ANKRD24: variants seen among roughly 807,000 people sequenced by gnomAD.
ANKRD24 encodes ankyrin repeat domain 24, also known as ankyrin repeat domain-containing protein 24.
Under a neutral mutation model 127.8 loss-of-function variants are expected in ANKRD24, and 109 were observed. The observed-to-expected ratio is 0.85, with a 90% CI of 0.73 to 1.00. ANKRD24 has a LOEUF of 1.00. Ranked by LOEUF, ANKRD24 falls within the 50% of genes least tolerant of loss-of-function variation. ANKRD24 has a pLI of 0.00. For synonymous variants in ANKRD24, 743 were observed against 671.1 expected (o/e 1.11, Z -1.66); for missense variants, 1,648 against 1,570.2 (o/e 1.05, Z -0.84).
chr19:4,206,441 C>T (rs1439009338), intron 7 of ANKRD24, among the ~76,000 whole-genome samples: 2 of 151,390 alleles, frequency 1.3e-5, no homozygotes, highest in Non-Finnish European at 2.9e-5. Flanking sequence ...CGTAGCAAGA[C>T]CCTGTCTCTA....
At position 4,216,897 on chromosome 19, in the gene ANKRD24, T is replaced by TGAGGCCACGGGAGCC. The variant is rs770796458; in HGVS notation, c.1752_1766dup (p.Glu590_Ala594dup). 38 of 1,610,758 alleles carry TGAGGCCACGGGAGCC rather than the reference T, an allele frequency of 2.4e-5. No individual in the cohort carries two copies. Among genetic ancestry groups the TGAGGCCACGGGAGCC allele is most frequent in the Non-Finnish European group, 2.8e-5 (33 of 1,178,688 alleles). ...CCATGGAAGCCAGGACTATGGAAGC[T>TGAGGCCACGGGAGCC]GAGGCCACGGGAGCCGAGGCCACGG... On this transcript the variant is annotated inframe_insertion, in exon 18 of 22. Coordinates refer to ENST00000318934, the MANE Select transcript of ANKRD24 (RefSeq NM_001393985.1).
In ANKRD24 at chr19:4,198,541, CG is replaced by C; in HGVS notation, c.37-1138del. 10 of 570,252 alleles carry C rather than the reference CG, an allele frequency of 1.8e-5. No homozygotes were observed. Among genetic ancestry groups the C allele is most frequent in the South Asian group, 4.0e-5 (2 of 50,556 alleles). 35.3% of individuals were successfully genotyped at this position (570,252 alleles called of 1,614,324 possible). ...CAGCCGCCTCCTTCGCGGTAGGGCCCGGGGAGGGGGCGCAGGAGCGGGCGGG... is the reference window on the plus strand; with the variant it reads ...CAGCCGCCTCCTTCGCGGTAGGGCCCGGGAGGGGGCGCAGGAGCGGGCGGG... On this transcript the variant is annotated intron_variant, in intron 2 of 21. Transcript: ENST00000318934. This position sits in a 1 kb window ranked among gnomAD's most constrained non-coding sequence, Gnocchi z 6.1.
chr19:4,197,286 G>A lies in ANKRD24; in HGVS notation c.37-2397G>A, dbSNP rs79760247. ...TGAATGAATGAATGAACGAATGACT[G>A]ATTGAATGAATGAATGGATGAGGCA... is the stretch of plus-strand genomic sequence containing the variant. On this transcript the variant is annotated intron_variant, in intron 2 of 21. Coordinates refer to ENST00000318934, the MANE Select transcript of ANKRD24 (RefSeq NM_001393985.1). 3.1e-3 allele frequency among the ~76,000 whole-genome samples: 476 copies of A among 152,136 alleles called. 1 individual carries two copies. Among genetic ancestry groups the A allele is most frequent in the African/African-American group, 0.011 (461 of 41,458 alleles).
rs1358753320 is a variant in ANKRD24 at position 4,224,765 on chromosome 19, C to T, written c.*260C>T. The T allele has an allele frequency of 1.3e-5, 7 of 532,272 alleles. No homozygotes were observed. In the South Asian group the frequency reaches 1.6e-4, roughly 12 times the overall value. 33.0% of individuals were successfully genotyped at this position (532,272 alleles called of 1,614,324 possible). A position where few individuals can be genotyped will look rare whatever the true frequency, so the allele number is the denominator to read the frequency against. Reference sequence around the variant, plus strand: ...CACCGGAGACTGTGATTCCCTGTGTCCTCCACATCCAGACGCCAGCCCAGG... The same window carrying T: ...CACCGGAGACTGTGATTCCCTGTGTTCTCCACATCCAGACGCCAGCCCAGG... On this transcript the variant is annotated 3_prime_UTR_variant, in exon 22 of 22. Coordinates refer to ENST00000318934, the MANE Select transcript of ANKRD24 (RefSeq NM_001393985.1).
chr19:4,208,473 G>A (rs182819398), intron 10 of ANKRD24, among the ~76,000 whole-genome samples: 138 of 152,204 alleles, frequency 9.1e-4, no homozygotes, highest in Non-Finnish European at 1.6e-3. Context: ...AGTGGAGTCG[G>A]GGTTTCGCCA....
Position 4,195,064 on chromosome 19 carries a change from G to GTTTGTTTGTT in ANKRD24, c.37-4617_37-4608dup, listed in dbSNP as rs890067374. Among the ~76,000 whole-genome samples the GTTTGTTTGTT allele has an allele frequency of 6.6e-6, 1 of 151,420 alleles. No individual in the cohort carries two copies. The highest frequency in any genetic ancestry group is 1.9e-4 in the East Asian group (1 of 5,142). The stretch of plus-strand genomic sequence containing the variant: ...CGTGAGCCACCGCGCCCAGGTTTTT[G>GTTTGTTTGTT]TTTGTTTGTTTGTTTGTTTGTTTTT... On this transcript the variant is annotated intron_variant, in intron 2 of 21. Coordinates refer to ENST00000318934, the MANE Select transcript of ANKRD24 (RefSeq NM_001393985.1). This position sits in a 1 kb window ranked among gnomAD's most constrained non-coding sequence, Gnocchi z 4.2.
Position 4,217,122 on chromosome 19 carries a change from C to A in ANKRD24, c.1962C>A (p.Ala654=), listed in dbSNP as rs1054282871. ...AAGCAGAGGAAGCAGAAATGCAGGC[C>A]TACGGAGTGGGTGCTGGGCAAGCAG... The part of the protein sequence containing the change: ...KTKAEEAEMQ[A]YGVGAGQAEP... The change falls in exon 18 of 22, where the codon GCC becomes GCA. Residue 654 remains alanine (A), a synonymous_variant. Transcript: ENST00000318934. 4.3e-6 allele frequency: 7 copies of A among 1,613,738 alleles called. No homozygotes were observed. The highest frequency in any genetic ancestry group is 5.9e-6 in the Non-Finnish European group (7 of 1,179,862).
chr19:4,217,759 C>T lies in ANKRD24; in HGVS notation c.2599C>T (p.Gln867Ter). Residue 867 changes from glutamine (Q) to a stop codon, truncating the protein, a stop_gained, in exon 18 of 22, where the codon CAG (glutamine) becomes TAG (stop). Transcript: ENST00000318934. LOFTEE classifies it high-confidence loss of function. ...CACGGCCAGGGCCACGGGGGAGCAG[C>T]AGCGCACGGCGGCCGCGGAACTGGG... ...LATARATGEQ[Q>*]RTAAAELGRA... 1 of 1,299,086 alleles carries T rather than the reference C, an allele frequency of 7.7e-7. No homozygotes were observed. Among genetic ancestry groups the T allele is most frequent in the Non-Finnish European group, 9.7e-7 (1 of 1,027,200 alleles). The allele number at this position is 1,299,086 out of a possible 1,614,324, so 80.5% of individuals were successfully genotyped here. A position where few individuals can be genotyped will look rare whatever the true frequency, so the allele number is the denominator to read the frequency against.
chr19:4,206,341 A>G (rs1969384664), intron 7 of ANKRD24, among the ~76,000 whole-genome samples: 1 of 151,350 alleles, frequency 6.6e-6, no homozygotes, highest in East Asian at 1.9e-4. Flanking sequence ...TAAAAAATTA[A>G]AAAAAAGAAT....
rs1346229678 is a variant in ANKRD24, at chr19:4,198,442, C to T, written c.37-1241C>T. 1.7e-6 allele frequency: 1 copy of T among 600,898 alleles called. No individual in the cohort carries two copies. The highest frequency in any genetic ancestry group is 1.9e-5 in the African/African-American group (1 of 52,070). The allele number at this position is 600,898 out of a possible 1,614,324, so 37.2% of individuals were successfully genotyped here. A position where few individuals can be genotyped will look rare whatever the true frequency, so the allele number is the denominator to read the frequency against. ...GCGGTCCCTCCAGACCCTCTGGCCGCCGCCTCCTCTTGGAACCCCGTGCGC... is the reference window on the plus strand; with the variant it reads ...GCGGTCCCTCCAGACCCTCTGGCCGTCGCCTCCTCTTGGAACCCCGTGCGC... On this transcript the variant is annotated intron_variant, in intron 2 of 21. Coordinates refer to ENST00000318934, the MANE Select transcript of ANKRD24 (RefSeq NM_001393985.1). This position sits in a 1 kb window ranked among gnomAD's most constrained non-coding sequence, Gnocchi z 6.1.
intron 2 of ANKRD24, among the ~76,000 whole-genome samples, chr19:4,191,234 G>A (rs543013591): frequency 1.3e-5 from 2 of 152,022 alleles, no homozygotes; most frequent in South Asian, 2.1e-4. Context: ...CTCCAGTTTC[G>A]CAGCAGGCAG....
intron 21 of ANKRD24, 81 bp downstream of exon 21, chr19:4,224,273 C>T (rs2145439768): frequency 6.9e-7 from 1 of 1,446,726 alleles, no homozygotes; most frequent in East Asian, 2.4e-5. Context: ...CCCTTCTGTA[C>T]AGTGGGAGGC....
chr19:4,204,951 A>G (rs1969301068), intron 7 of ANKRD24, among the ~76,000 whole-genome samples: 1 of 152,208 alleles, frequency 6.6e-6, no homozygotes, highest in South Asian at 2.1e-4. Flanking sequence ...ATAATAAAAA[A>G]TTAAGGCCGG....
Position 4,216,044 on chromosome 19 carries a change from C to A in ANKRD24, c.1264C>A (p.Leu422Ile). 1 of 1,596,994 alleles carries A rather than the reference C, an allele frequency of 6.3e-7. No homozygotes were observed. The highest frequency in any genetic ancestry group is 8.5e-7 in the Non-Finnish European group (1 of 1,172,528). The change falls in exon 16 of 22, where the codon CTT (leucine) becomes ATT (isoleucine). Residue 422 changes from leucine (L) to isoleucine (I), a missense_variant. Transcript: ENST00000318934. ...LQDEEGELPD[L>I]PGAEVLLSRQ... is the part of the protein sequence containing the mutation. ...GGATGAGGAGGGTGAGCTGCCTGACCTTCCAGGTGAGCCCCCACCTCCCCA... is the reference window on the plus strand; with the variant it reads ...GGATGAGGAGGGTGAGCTGCCTGACATTCCAGGTGAGCCCCCACCTCCCCA...
Position 4,207,904 on chromosome 19 carries a change from G to A in ANKRD24, c.768G>A (p.Leu256=), listed in dbSNP as rs1293867489. 1 of 1,557,278 alleles carries A rather than the reference G, an allele frequency of 6.4e-7. No homozygotes were observed. Among genetic ancestry groups the A allele is most frequent in the Non-Finnish European group, 8.7e-7 (1 of 1,153,252 alleles). ...AGGACGCGGCTCACTATGGCGCCCTGGCGGGGGACAAACTCATCCTGCACC... is the reference window on the plus strand; with the variant it reads ...AGGACGCGGCTCACTATGGCGCCCTAGCGGGGGACAAACTCATCCTGCACC... ...LGQDAAHYGA[L]AGDKLILHLL... is the part of the protein sequence containing the mutation. The change falls in exon 10 of 22, where the codon CTG becomes CTA. Residue 256 remains leucine (L), a synonymous_variant. Coordinates refer to ENST00000318934, the MANE Select transcript of ANKRD24 (RefSeq NM_001393985.1).
chr19:4,212,417 G>A, intron 13 of ANKRD24, 58 bp from the exon 14 acceptor site: 2 of 1,539,740 alleles, frequency 1.3e-6, no homozygotes, highest in Non-Finnish European at 8.8e-7. Flanking sequence ...GAAGCAGGAG[G>A]TGGGGCAGGG....
chr19:4,200,239 C>G (rs1395195221), intron 5 of ANKRD24, 68 bp downstream of exon 5: 1 of 1,454,546 alleles, frequency 6.9e-7, no homozygotes, highest in Non-Finnish European at 9.3e-7. Flanking sequence ...AGGGTCCAGC[C>G]AGACCCTGCT....
At chr19:4,185,335 T>A (rs1014658738) in intron 1 of ANKRD24, among the ~76,000 whole-genome samples, 5 of 151,854 alleles carry the variant, frequency 3.3e-5, no homozygotes, top group Admixed American at 6.6e-5. Flanking sequence ...GGTTATACAG[T>A]GCTTAGGTGG....
intron 2 of ANKRD24, among the ~76,000 whole-genome samples, chr19:4,196,108 C>T (rs1430659607): frequency 6.6e-6 from 1 of 152,130 alleles, no homozygotes; most frequent in Admixed American, 6.5e-5. Context: ...CCCAGGACAG[C>T]CCCATTCTAG....
Sources: allele counts gnomAD v4.1 joint callset (sites outside exome capture counted in the v4.1 genomes callset), GRCh38; gene constraint gnomAD v4.1.1; non-coding constraint Gnocchi (gnomAD v3.1); transcripts MANE v1.5; gene names NCBI Gene and HGNC (gene_info 2026-07-23, HGNC 2026-07-21).